The following GPR158 variants were observed in gnomAD, a reference collection of about 807,000 sequenced individuals.
GPR158 encodes G protein-coupled receptor 158.
A neutral mutation model predicts 78.2 loss-of-function variants in GPR158; 30 were observed. That is an observed-to-expected ratio of 0.38 (90% confidence interval 0.29 to 0.52). GPR158 has a LOEUF of 0.52. Among genes scored for constraint, GPR158 ranks in the 20% least tolerant of loss-of-function variants. The pLI is 0.83. For synonymous variants in GPR158, 581 were observed against 591.1 expected (o/e 0.98, Z 0.25); for missense variants, 1,463 against 1,523.5 (o/e 0.96, Z 0.66).
chr10:25,427,943 G>A (rs573758266), intron 4 of GPR158, among the ~76,000 whole-genome samples: 100 of 151,968 alleles, frequency 6.6e-4, no homozygotes, highest in Middle Eastern at 3.4e-3. Flanking sequence ...GACTATGTCC[G>A]TACAATAATT....
At chr10:25,500,130 T>C (rs1425573049) in intron 5 of GPR158, among the ~76,000 whole-genome samples, 1 of 152,268 alleles carries the variant, frequency 6.6e-6, no homozygotes, top group East Asian at 1.9e-4. Flanking sequence ...CATGTGAACT[T>C]TTCACTTACA....
At position 25,412,396 on chromosome 10, in the gene GPR158, A is replaced by G. The variant is rs1399001129; in HGVS notation, c.1258A>G (p.Ile420Val). The stretch of plus-strand genomic sequence containing the variant: ...GGAAGATAAGTATTTACGACTTGCC[A>G]TCATCTCCTTCCAAGCCCTGTGTAT... ...VQEDKYLRLAIISFQALCMLL... is the reference protein window; with the variant it reads ...VQEDKYLRLAVISFQALCMLL... The change falls in exon 4 of 11, where the codon ATC (isoleucine) becomes GTC (valine). Residue 420 changes from isoleucine (I) to valine (V), a missense_variant. By Grantham distance (29) the Ile-to-Val change is conservative. Transcript: ENST00000376351. The G allele has an allele frequency of 2.5e-6, 4 of 1,613,402 alleles. No individual in the cohort carries two copies. The highest frequency in any genetic ancestry group is 1.7e-5 in the Admixed American group (1 of 60,000).
intron 2 of GPR158, among the ~76,000 whole-genome samples, chr10:25,268,966 A>G (rs1854080085): frequency 6.6e-6 from 1 of 152,116 alleles, no homozygotes; most frequent in Non-Finnish European, 1.5e-5. Flanking sequence ...TTTGTCAATA[A>G]CCTCTTTAAG....
At chr10:25,379,489 T>C (rs1450149053) in intron 2 of GPR158, among the ~76,000 whole-genome samples, 1 of 152,120 alleles carries the variant, frequency 6.6e-6, no homozygotes, top group Non-Finnish European at 1.5e-5. Context: ...CAGGATTGTT[T>C]ACTAGGACCT....
intron 5 of GPR158, among the ~76,000 whole-genome samples, chr10:25,466,984 G>A (rs999064008): frequency 6.6e-6 from 1 of 152,182 alleles, no homozygotes; most frequent in African/African-American, 2.4e-5. Context: ...CCAAATATGA[G>A]TGACCATGGC....
At chr10:25,178,453 G>C (rs1380929267) in intron 1 of GPR158, among the ~76,000 whole-genome samples, 1 of 152,150 alleles carries the variant, frequency 6.6e-6, no homozygotes, top group Non-Finnish European at 1.5e-5. Context: ...GAAAGCATAG[G>C]TTGCCTAAAT....
intron 4 of GPR158, among the ~76,000 whole-genome samples, chr10:25,456,513 T>C (rs1442114458): frequency 6.6e-6 from 1 of 152,206 alleles, no homozygotes; most frequent in Non-Finnish European, 1.5e-5. Flanking sequence ...GACTGAGGCA[T>C]TACTGATGAG....
At chr10:25,243,303 C>T (rs1295958411) in intron 2 of GPR158, among the ~76,000 whole-genome samples, 1 of 151,972 alleles carries the variant, frequency 6.6e-6, no homozygotes, top group African/African-American at 2.4e-5. Context: ...CACTGGTCAT[C>T]AATAGAAGCA....
At chr10:25,304,554 G>T (rs891833639) in intron 2 of GPR158, among the ~76,000 whole-genome samples, 3 of 151,968 alleles carry the variant, frequency 2.0e-5, no homozygotes, top group Non-Finnish European at 4.4e-5. Context: ...TAGAGTTGCT[G>T]TGAGGTTTTT....
chr10:25,255,963 C>G (rs532702632), intron 2 of GPR158, among the ~76,000 whole-genome samples: 4 of 152,174 alleles, frequency 2.6e-5, no homozygotes, highest in Non-Finnish European at 5.9e-5. Context: ...TGGGGACCAT[C>G]TTAGAATTCT....
chr10:25,532,176 T>C (rs911528339), intron 5 of GPR158, among the ~76,000 whole-genome samples: 6 of 152,200 alleles, frequency 3.9e-5, no homozygotes, highest in African/African-American at 1.4e-4. Context: ...GGAGGACTAC[T>C]GACATGAATC....
intron 4 of GPR158, among the ~76,000 whole-genome samples, chr10:25,432,299 C>G (rs997365807): frequency 5.9e-5 from 9 of 151,854 alleles, no homozygotes; most frequent in African/African-American, 2.2e-4. Context: ...TAATAATTCT[C>G]TCTGTTGGTG....
chr10:25,513,493 CTT>C (rs59066452), intron 5 of GPR158, among the ~76,000 whole-genome samples: 53 of 144,534 alleles, frequency 3.7e-4, no homozygotes, highest in African/African-American at 1.2e-3. Context: ...TTTCATTTAT[CTT>C]TTTTTTTTTG....
At chr10:25,338,501 ATATATTACGTATAATATACG>A (rs1480475773) in intron 2 of GPR158, among the ~76,000 whole-genome samples, 3 of 143,204 alleles carry the variant, frequency 2.1e-5, no homozygotes, top group Non-Finnish European at 4.6e-5. Context: ...ATATACGTAT[ATATATTACGTATAATATACG>A]TATATTACGT....
At chr10:25,223,572 T>C (rs1853331271) in intron 2 of GPR158, among the ~76,000 whole-genome samples, 1 of 152,214 alleles carries the variant, frequency 6.6e-6, no homozygotes, top group Non-Finnish European at 1.5e-5. Context: ...GATTAGAAGC[T>C]GGCTTCTCTG....
intron 4 of GPR158, among the ~76,000 whole-genome samples, chr10:25,434,252 G>A (rs986863032): frequency 6.6e-6 from 1 of 152,130 alleles, no homozygotes; most frequent in Admixed American, 6.5e-5. Context: ...TATGAAGAAT[G>A]AGTAAAGTGA....
At position 25,594,335 on chromosome 10, in the gene GPR158, C is replaced by G; in HGVS notation, c.1936C>G (p.Leu646Val). ...ACTTCAGTCTGATTGGATGTTGATGCTGTATTTTGCACATACTCATTTGAC... is the reference window on the plus strand; with the variant it reads ...ACTTCAGTCTGATTGGATGTTGATGGTGTATTTTGCACATACTCATTTGAC... ...SRLQSDWMLM[L>V]YFAHTHLTVT... The change falls in exon 9 of 11, where the codon CTG (leucine) becomes GTG (valine). Residue 646 changes from leucine (L) to valine (V), a missense_variant. Physicochemically the swap from Leu to Val is conservative, Grantham distance 32 (BLOSUM62 1). Coordinates refer to ENST00000376351, the MANE Select transcript of GPR158 (RefSeq NM_020752.3). The G allele has an allele frequency of 6.3e-7, 1 of 1,596,792 alleles. No homozygotes were observed. The highest frequency in any genetic ancestry group is 1.1e-5 in the South Asian group (1 of 90,662).
At chr10:25,434,926 C>T (rs1834977030) in intron 4 of GPR158, among the ~76,000 whole-genome samples, 1 of 94,210 alleles carries the variant, frequency 1.1e-5, no homozygotes, top group Non-Finnish European at 2.7e-5. Flanking sequence ...ACAGTCTAGG[C>T]AGAAAGATAT....
chr10:25,330,426 A>G (rs1178306565), intron 2 of GPR158, among the ~76,000 whole-genome samples: 2 of 152,164 alleles, frequency 1.3e-5, no homozygotes, highest in Non-Finnish European at 2.9e-5. Flanking sequence ...GAGTACCTCC[A>G]AGGAGCATTT....
Sources: allele counts gnomAD v4.1 joint callset (sites outside exome capture counted in the v4.1 genomes callset), GRCh38; gene constraint gnomAD v4.1.1; transcripts MANE v1.5; gene names NCBI Gene and HGNC (gene_info 2026-07-23, HGNC 2026-07-21).